The following CACNA1E variants were observed in gnomAD, a reference collection of about 807,000 sequenced individuals.
The protein encoded by CACNA1E is calcium voltage-gated channel subunit alpha1 E, also known as voltage-dependent R-type calcium channel subunit alpha-1E.
CACNA1E carries 40 observed loss-of-function variants against 259.2 expected under a neutral mutation model. The ratio of observed to expected loss-of-function variants is 0.15; its 90% CI spans 0.12 to 0.20. CACNA1E has a LOEUF of 0.20. Ranked by LOEUF, CACNA1E falls within the 10% of genes least tolerant of loss-of-function variation. The pLI is 1.00. For missense variants in CACNA1E, 1,874 were observed against 3,040.1 expected, an observed-to-expected ratio of 0.62 and a Z score of 9.02; for synonymous variants, 1,104 against 1,138.5, an observed-to-expected ratio of 0.97 and a Z score of 0.61.
chr1:181,518,161 G>A (rs1045302188), intron 3 of CACNA1E, among the ~76,000 whole-genome samples: 12 of 152,044 alleles, frequency 7.9e-5, no homozygotes, highest in African/African-American at 2.7e-4. Context: ...GCAAGGCAAG[G>A]GACTCAGAGA....
At chr1:181,640,197 C>T (rs1228976492) in intron 6 of CACNA1E, among the ~76,000 whole-genome samples, 5 of 152,180 alleles carry the variant, frequency 3.3e-5, no homozygotes, top group Admixed American at 6.5e-5. Flanking sequence ...ATATTTTGTG[C>T]ACATCTGTAG....
At chr1:181,756,142 G>A in intron 29 of CACNA1E, 49 bp downstream of exon 29, 2 of 1,551,548 alleles carry the variant, frequency 1.3e-6, no homozygotes. Context: ...TAGGACCCCT[G>A]GTTGCCTTGA....
At chr1:181,685,236 T>TG (rs753653767) in intron 7 of CACNA1E, among the ~76,000 whole-genome samples, 1,209 of 117,110 alleles carry the variant, frequency 0.01, 16 homozygotes, top group African/African-American at 0.034. Context: ...TTAAGTTTTT[T>TG]TTTTTTTTTT....
intron 37 of CACNA1E, among the ~76,000 whole-genome samples, chr1:181,772,982 A>T (rs2102776400): frequency 6.6e-6 from 1 of 152,256 alleles, no homozygotes; most frequent in East Asian, 1.9e-4. Flanking sequence ...TGATAAATAG[A>T]ATAATAAAAG....
intron 2 of CACNA1E, among the ~76,000 whole-genome samples, chr1:181,421,169 C>CT (rs1486322522): frequency 6.6e-6 from 1 of 152,176 alleles, no homozygotes. Context: ...ACTGGTGTCC[C>CT]TACAGTAACT....
chr1:181,581,422 A>T (rs1651532435), intron 6 of CACNA1E, among the ~76,000 whole-genome samples: 2 of 152,174 alleles, frequency 1.3e-5, no homozygotes, highest in African/African-American at 4.8e-5. Flanking sequence ...GAAAATTCAG[A>T]TTCACAGACC....
chr1:181,551,583 A>G (rs1216680276), intron 3 of CACNA1E, among the ~76,000 whole-genome samples: 1 of 152,154 alleles, frequency 6.6e-6, no homozygotes, highest in African/African-American at 2.4e-5. Flanking sequence ...CGCTCATGGG[A>G]TTAGGAGCTC....
intron 6 of CACNA1E, among the ~76,000 whole-genome samples, chr1:181,613,795 T>C (rs1321121983): frequency 6.6e-6 from 1 of 152,210 alleles, no homozygotes; most frequent in Non-Finnish European, 1.5e-5. Flanking sequence ...TTTCCCAAAA[T>C]AGGGCACTTT....
In CACNA1E at chr1:181,573,384, C is replaced by T. The variant is rs918977630; in HGVS notation, c.513-4382C>T. 2.6e-5 allele frequency among the ~76,000 whole-genome samples: 4 copies of T among 152,170 alleles called. No homozygotes were observed. The East Asian group carries it at 7.7e-4, about 29-fold the overall frequency. The stretch of plus-strand genomic sequence containing the variant: ...TTCAACTCTTTACTTTTCCAGTAGC[C>T]TCCTGATTAAGCCCTGGTACTTACA... On this transcript the variant is annotated intron_variant, in intron 3 of 47. Coordinates refer to ENST00000367573, the MANE Select transcript of CACNA1E (RefSeq NM_001205293.3).
intron 3 of CACNA1E, among the ~76,000 whole-genome samples, chr1:181,519,773 CTGGAGGTATTAA>C (rs1210271213): frequency 6.6e-6 from 1 of 152,034 alleles, no homozygotes; most frequent in Non-Finnish European, 1.5e-5. Flanking sequence ...GGCCATGAAG[CTGGAGGTATTAA>C]GAAATAAGAT....
At chr1:181,442,328 G>A (rs1325538767) in intron 2 of CACNA1E, among the ~76,000 whole-genome samples, 3 of 149,668 alleles carry the variant, frequency 2.0e-5, no homozygotes, top group African/African-American at 5.0e-5. Flanking sequence ...GGTGTGATGG[G>A]CACAGGTATG....
intron 2 of CACNA1E, among the ~76,000 whole-genome samples, chr1:181,427,940 A>G (rs1246617172): frequency 6.6e-6 from 1 of 152,168 alleles, no homozygotes; most frequent in Non-Finnish European, 1.5e-5. Context: ...TGTCCATAAC[A>G]TCTCTTTCAC....
chr1:181,565,517 C>T (rs886676976), intron 3 of CACNA1E, among the ~76,000 whole-genome samples: 1 of 152,178 alleles, frequency 6.6e-6, no homozygotes, highest in Non-Finnish European at 1.5e-5. Context: ...AGAGATCAAC[C>T]AAACTCTATT....
intron 2 of CACNA1E, among the ~76,000 whole-genome samples, chr1:181,419,765 T>C (rs1425093424): frequency 2.0e-5 from 3 of 152,224 alleles, no homozygotes; most frequent in Admixed American, 2.0e-4. Context: ...AGGAGGCAGC[T>C]GAGTTCCCTG....
chr1:181,787,871 G>T (rs750957372), intron 43 of CACNA1E, among the ~76,000 whole-genome samples: 5 of 152,162 alleles, frequency 3.3e-5, no homozygotes, highest in Non-Finnish European at 7.3e-5. Context: ...GAGCTCAGGG[G>T]ATGTGTTAAG....
intron 1 of CACNA1E, among the ~76,000 whole-genome samples, chr1:181,394,819 CT>C (rs1478488528): frequency 6.6e-6 from 1 of 152,166 alleles, no homozygotes; most frequent in Non-Finnish European, 1.5e-5. Flanking sequence ...GGGAGTGAGC[CT>C]GGCATGTTCC....
chr1:181,427,974 A>G (rs6703385), intron 2 of CACNA1E, among the ~76,000 whole-genome samples: 60,533 of 151,950 alleles, frequency 0.4, 12,347 homozygotes, highest in African/African-American at 0.46. Context: ...CCTCAGCATG[A>G]CTGAACCACA....
In CACNA1E at chr1:181,737,662, C is replaced by T; in HGVS notation, c.3552+8C>T. 6.2e-7 allele frequency: 1 copy of T among 1,612,752 alleles called. No homozygotes were observed. The highest frequency in any genetic ancestry group is 1.7e-5 in the Admixed American group (1 of 59,954). On this transcript the variant is annotated splice_region_variant and intron_variant, in intron 23 of 47. Transcript: ENST00000367573. ...AACTCGGAGCGCAACAAAGTGGGTA[C>T]ACAGGGGCCATGTGCCAGCCTCTGT...
intron 40 of CACNA1E, 30 bp from the exon 41 acceptor site, chr1:181,784,631 T>A (rs1660708376): frequency 6.9e-7 from 1 of 1,444,312 alleles, no homozygotes; most frequent in Non-Finnish European, 9.5e-7. Flanking sequence ...CTGGGTCTAT[T>A]CTATTTATTA....
Sources: gnomAD v4.1 joint callset for allele counts (sites outside exome capture counted in the v4.1 genomes callset) on GRCh38, gnomAD v4.1.1 for gene constraint, MANE v1.5 for transcripts, NCBI Gene and HGNC (gene_info 2026-07-23, HGNC 2026-07-21) for gene names.